WDR64: variants seen among roughly 807,000 people sequenced by gnomAD.
WDR64 encodes WD repeat-containing protein 64.
WDR64 carries 112 observed loss-of-function variants against 139.3 expected under a neutral mutation model. The ratio of observed to expected loss-of-function variants is 0.80; its 90% CI spans 0.69 to 0.94. The LOEUF is 0.94. Ranked by LOEUF, WDR64 falls within the 40% of genes least tolerant of loss-of-function variation. WDR64 has a pLI of 0.00. For missense variants in WDR64, 1,206 were observed against 1,293.1 expected, an observed-to-expected ratio of 0.93 and a Z score of 1.03; for synonymous variants, 444 against 437.7, an observed-to-expected ratio of 1.01 and a Z score of -0.18.
Position 241,687,469 on chromosome 1 carries a change from G to A in WDR64, c.848G>A (p.Arg283Lys). 1.2e-6 allele frequency: 2 copies of A among 1,613,770 alleles called. No individual in the cohort carries two copies. Among genetic ancestry groups the A allele is most frequent in the Non-Finnish European group, 1.7e-6 (2 of 1,179,904 alleles). ...CTTTTCTTAATCCCCAGTGTTAAAA[G>A]GAAGCTACATAATGACTGGGTTATG... ...LDSKNFKSVK[R>K]KLHNDWVMKI... The change falls in exon 8 of 28, where the codon AGG becomes AAG. Residue 283 changes from arginine to lysine, a missense_variant. Transcript: ENST00000437684.
intron 1 of WDR64, among the ~76,000 whole-genome samples, chr1:241,655,334 A>G (rs1488230649): frequency 6.6e-6 from 1 of 152,196 alleles, no homozygotes; most frequent in East Asian, 1.9e-4. Context: ...GGTTGCAGTG[A>G]GCCAAGATCG....
chr1:241,716,954 C>T (rs1344139995), intron 9 of WDR64, among the ~76,000 whole-genome samples: 3 of 152,178 alleles, frequency 2.0e-5, no homozygotes, highest in Admixed American at 2.0e-4. Flanking sequence ...GTGTGATATA[C>T]AAGTCATAGA....
chr1:241,723,381 C>G lies in WDR64; in HGVS notation c.1139C>G (p.Ala380Gly). 1 of 1,613,910 alleles carries G rather than the reference C, an allele frequency of 6.2e-7. No homozygotes were observed. Among genetic ancestry groups the G allele is most frequent in the Non-Finnish European group, 8.5e-7 (1 of 1,179,900 alleles). Residue 380 changes from alanine to glycine, a missense_variant, in exon 10 of 28, where the codon GCC becomes GGC. Ala to Gly is a moderately conservative substitution (Grantham distance 60). Coordinates refer to ENST00000437684, the MANE Select transcript of WDR64 (RefSeq NM_001367482.1). Reference protein sequence around the residue: ...GKLVGHMFSIAEIVTNEKDQH... With the variant: ...GKLVGHMFSIGEIVTNEKDQH... Reference sequence around the variant, plus strand: ...CTTGTAGGACACATGTTCAGTATCGCCGAGATCGTAACCAATGAAAAAGAT... The same window carrying G: ...CTTGTAGGACACATGTTCAGTATCGGCGAGATCGTAACCAATGAAAAAGAT...
chr1:241,664,837 G>T (rs914472573), intron 2 of WDR64, among the ~76,000 whole-genome samples: 5 of 152,086 alleles, frequency 3.3e-5, no homozygotes, highest in Admixed American at 3.3e-4. Flanking sequence ...TCTAAAGCTG[G>T]ACAGAAAGTC....
chr1:241,784,952 TG>T (rs1376386612), intron 23 of WDR64, among the ~76,000 whole-genome samples: 1 of 55,328 alleles, frequency 1.8e-5, no homozygotes, highest in South Asian at 7.7e-4. Context: ...AGACTCTGTC[TG>T]AAAAAAAAAA....
At chr1:241,771,927 C>CATACACACATATACAT in intron 19 of WDR64, among the ~76,000 whole-genome samples, 1 of 41,834 alleles carries the variant, frequency 2.4e-5, no homozygotes, top group Non-Finnish European at 4.8e-5. Context: ...TATATACATA[C>CATACACACATATACAT]ATATACATAC....
At chr1:241,781,774 G>A (rs1023778228) in intron 22 of WDR64, among the ~76,000 whole-genome samples, 6 of 143,862 alleles carry the variant, frequency 4.2e-5, no homozygotes, top group Admixed American at 7.1e-5. Context: ...GGAATGCAAT[G>A]CAGTAGAACA....
At chr1:241,693,182 T>C (rs984399177) in intron 8 of WDR64, among the ~76,000 whole-genome samples, 4 of 152,200 alleles carry the variant, frequency 2.6e-5, no homozygotes, top group Admixed American at 6.5e-5. Flanking sequence ...AGTAGCTGAA[T>C]GGATACACAG....
At chr1:241,701,277 C>T (rs189686186) in intron 8 of WDR64, among the ~76,000 whole-genome samples, 281 of 149,764 alleles carry the variant, frequency 1.9e-3, no homozygotes, top group South Asian at 7.3e-3. Context: ...TGCACATGCG[C>T]GCACACACAC....
In WDR64 at chr1:241,674,717, G is replaced by A; in HGVS notation, c.453G>A (p.Gln151=). ...PHLDLLITAT[Q]KGLITVFNNQ... is the part of the protein sequence containing the mutation. Reference sequence around the variant, plus strand: ...TGGATTTACTAATAACAGCTACTCAGAAAGGATTAATAACAGTTTTTAATA... The same window carrying A: ...TGGATTTACTAATAACAGCTACTCAAAAAGGATTAATAACAGTTTTTAATA... The change falls in exon 4 of 28, where the codon CAG becomes CAA. Residue 151 remains glutamine (Q), a synonymous_variant. Coordinates refer to ENST00000437684, the MANE Select transcript of WDR64 (RefSeq NM_001367482.1). 2 of 1,548,878 alleles carry A rather than the reference G, an allele frequency of 1.3e-6. No individual in the cohort carries two copies. The highest frequency in any genetic ancestry group is 1.7e-4 in the Middle Eastern group (1 of 5,974).
rs142309373 is a variant in WDR64, at chr1:241,786,065, A to C, written c.2706-1784A>C. Among the ~76,000 whole-genome samples, 155 of 152,350 alleles carry C rather than the reference A, an allele frequency of 1.0e-3. 1 individual carries two copies. The Middle Eastern group carries it at 0.01, about 10-fold the overall frequency. ...TCACCCTTCTAAATTTTACTATTAAAGGGCTGGTCTATTTCTCTTTGGTAA... is the reference window on the plus strand; with the variant it reads ...TCACCCTTCTAAATTTTACTATTAACGGGCTGGTCTATTTCTCTTTGGTAA... On this transcript the variant is annotated intron_variant, in intron 23 of 27. Coordinates refer to ENST00000437684, the MANE Select transcript of WDR64 (RefSeq NM_001367482.1).
At chr1:241,776,107 C>T (rs917108483) in intron 21 of WDR64, among the ~76,000 whole-genome samples, 2 of 151,914 alleles carry the variant, frequency 1.3e-5, no homozygotes, top group Admixed American at 1.3e-4. Flanking sequence ...GAGACAGAGT[C>T]TATCCCTGTT....
At chr1:241,735,270 T>C (rs1226798037) in intron 10 of WDR64, among the ~76,000 whole-genome samples, 2 of 152,224 alleles carry the variant, frequency 1.3e-5, no homozygotes, top group Non-Finnish European at 1.5e-5. Flanking sequence ...AATCCTGTTG[T>C]ATGAACGCAG....
At chr1:241,697,243 T>C (rs1241244832) in intron 8 of WDR64, among the ~76,000 whole-genome samples, 1 of 152,228 alleles carries the variant, frequency 6.6e-6, no homozygotes, top group East Asian at 1.9e-4. Flanking sequence ...TTCACTGATA[T>C]CCTGTCCTCC....
At chr1:241,672,626 T>C (rs1474046471) in intron 3 of WDR64, among the ~76,000 whole-genome samples, 1 of 151,896 alleles carries the variant, frequency 6.6e-6, no homozygotes, top group Non-Finnish European at 1.5e-5. Flanking sequence ...ATTAAACAAG[T>C]AAAATATACA....
intron 20 of WDR64, 121 bp from the exon 21 acceptor site, chr1:241,774,984 G>A: frequency 1.4e-6 from 1 of 738,860 alleles, no homozygotes; most frequent in Admixed American, 2.8e-5. Context: ...GGGAATCGTG[G>A]TTCAGTAGTA....
intron 8 of WDR64, among the ~76,000 whole-genome samples, chr1:241,693,545 G>C (rs1667381038): frequency 6.6e-6 from 1 of 152,122 alleles, no homozygotes; most frequent in African/African-American, 2.4e-5. Context: ...GTAAACTATG[G>C]ACTTTGGTTT....
intron 12 of WDR64, among the ~76,000 whole-genome samples, chr1:241,743,904 G>A (rs1669648933): frequency 6.6e-6 from 1 of 151,948 alleles, no homozygotes; most frequent in Admixed American, 6.6e-5. Flanking sequence ...CTCTCTCACT[G>A]GGCCCATGTC....
At chr1:241,780,586 A>G (rs1658809162) in intron 22 of WDR64, among the ~76,000 whole-genome samples, 1 of 152,218 alleles carries the variant, frequency 6.6e-6, no homozygotes, top group Non-Finnish European at 1.5e-5. Flanking sequence ...CAAAAGCTAA[A>G]TATTAGCTTA....
Sources: allele counts gnomAD v4.1 joint callset (sites outside exome capture counted in the v4.1 genomes callset), GRCh38; gene constraint gnomAD v4.1.1; transcripts MANE v1.5; gene names NCBI Gene and HGNC (gene_info 2026-07-23, HGNC 2026-07-21).